AGAP1: variants seen among roughly 807,000 people sequenced by gnomAD.
The protein encoded by AGAP1 is ArfGAP with GTPase domain, ankyrin repeat and PH domain 1.
Under a neutral mutation model 105.3 loss-of-function variants are expected in AGAP1, and 29 were observed. That is an observed-to-expected ratio of 0.28 (90% CI 0.21 to 0.38). The LOEUF (loss-of-function observed/expected upper bound fraction) is 0.38, where lower values mean the gene tolerates loss of function less well. Ranked by LOEUF, AGAP1 falls within the 10% of genes least tolerant of loss-of-function variation. The pLI is 1.00. For missense variants in AGAP1, 998 were observed against 1,165.1 expected (o/e 0.86, Z 2.09); for synonymous variants, 509 against 485.9 (o/e 1.05, Z -0.63).
rs10560456 is a variant in AGAP1 at position 236,054,480 on chromosome 2, TAAA to T, written c.2114+5216_2114+5218del. Among the ~76,000 whole-genome samples the T allele has an allele frequency of 8.3e-4, 94 of 112,794 alleles. 1 individual carries two copies. The Middle Eastern group carries it at 0.014, about 17-fold the overall frequency. The allele number at this position is 112,794 out of a possible 152,430, so 74.0% of individuals were successfully genotyped here. A position where few individuals can be genotyped will look rare whatever the true frequency, so the allele number is the denominator to read the frequency against. On this transcript the variant is annotated intron_variant, in intron 16 of 17. Transcript: ENST00000304032. The stretch of plus-strand genomic sequence containing the variant: ...TGACACCTTTTCCTATTTTCTTTCT[TAAA>T]AAAAAAAAAAAAAAAAGGGAGGGGG...
intron 9 of AGAP1, among the ~76,000 whole-genome samples, chr2:235,861,929 G>C (rs896548011): frequency 1.3e-5 from 2 of 152,218 alleles, no homozygotes; most frequent in Non-Finnish European, 2.9e-5. Flanking sequence ...AGTCCCATTT[G>C]GGAGGAAGAG....
chr2:235,566,395 A>G lies in AGAP1; in HGVS notation c.163+71546A>G, dbSNP rs1444828731. Among the ~76,000 whole-genome samples, 2 of 152,220 alleles carry G rather than the reference A, an allele frequency of 1.3e-5. No individual in the cohort carries two copies. Among genetic ancestry groups the G allele is most frequent in the Non-Finnish European group, 2.9e-5 (2 of 68,038 alleles). On this transcript the variant is annotated intron_variant, in intron 1 of 17. Transcript: ENST00000304032. The surrounding 1 kb of genome is among the most constrained non-coding windows in gnomAD (Gnocchi z 5.2). ...TGTATTATTTTTCAATGCATTGCAA[A>G]GTCAACGGCAGACTGAAGGACTGCC...
chr2:235,759,911 A>T (rs1426549877), intron 6 of AGAP1, among the ~76,000 whole-genome samples: 1 of 152,232 alleles, frequency 6.6e-6, no homozygotes, highest in African/African-American at 2.4e-5. Context: ...TCAGAGGTTT[A>T]AAAAAATCCA....
At position 235,753,638 on chromosome 2, in the gene AGAP1, G is replaced by A. The variant is rs961987232; in HGVS notation, c.673+3150G>A. ...GGAGAATCGCTTGAACCTGGGAGGC[G>A]GAGGTTGCAGTCAGCTGAGATTGCA... On this transcript the variant is annotated intron_variant, in intron 6 of 17. Transcript: ENST00000304032. The surrounding 1 kb of genome is among the most constrained non-coding windows in gnomAD (Gnocchi z 4.5). 2.2e-4 allele frequency among the ~76,000 whole-genome samples: 34 copies of A among 151,920 alleles called. No individual in the cohort carries two copies. Among genetic ancestry groups the A allele is most frequent in the African/African-American group, 8.2e-4 (34 of 41,356 alleles).
chr2:236,098,271 G>A (rs996394959), intron 16 of AGAP1, among the ~76,000 whole-genome samples: 3 of 152,048 alleles, frequency 2.0e-5, no homozygotes, highest in African/African-American at 7.2e-5. Flanking sequence ...GATTCTGAAC[G>A]TTTTATTCAT....
rs115686438 is a variant in AGAP1, at chr2:235,638,756, C to T, written c.164-70423C>T. 5.5e-3 allele frequency among the ~76,000 whole-genome samples: 835 copies of T among 152,226 alleles called. 11 individuals carry two copies. The highest frequency in any genetic ancestry group is 0.019 in the African/African-American group (801 of 41,536). ...TTGCCAGTGGAGAACAGGCTGAGGC[C>T]GGAGGAGGAGGGAGCAGCCAGGAAG... is the stretch of plus-strand genomic sequence containing the variant. On this transcript the variant is annotated intron_variant, in intron 1 of 17. Coordinates refer to ENST00000304032, the MANE Select transcript of AGAP1 (RefSeq NM_001037131.3).
chr2:236,061,050 A>G lies in AGAP1; in HGVS notation c.2114+11769A>G, dbSNP rs180885188. On this transcript the variant is annotated intron_variant, in intron 16 of 17. Coordinates refer to ENST00000304032, the MANE Select transcript of AGAP1 (RefSeq NM_001037131.3). This position sits in a 1 kb window ranked among gnomAD's most constrained non-coding sequence, Gnocchi z 4.1. ...TCCACTCTAGCCTGGATAACAGAACAAGACCTCGTCTGAAAAATAAAATAA... is the reference window on the plus strand; with the variant it reads ...TCCACTCTAGCCTGGATAACAGAACGAGACCTCGTCTGAAAAATAAAATAA... 6.6e-6 allele frequency among the ~76,000 whole-genome samples: 1 copy of G among 152,304 alleles called. No individual in the cohort carries two copies. Among genetic ancestry groups the G allele is most frequent in the Non-Finnish European group, 1.5e-5 (1 of 68,014 alleles).
intron 1 of AGAP1, among the ~76,000 whole-genome samples, chr2:235,671,587 C>T (rs1166460939): frequency 1.3e-5 from 2 of 152,204 alleles, no homozygotes; most frequent in Non-Finnish European, 2.9e-5. Flanking sequence ...ATTGAGCTGG[C>T]TGTAAGGACA....
At chr2:235,859,324 T>C (rs1313069393) in intron 9 of AGAP1, among the ~76,000 whole-genome samples, 2 of 148,772 alleles carry the variant, frequency 1.3e-5, no homozygotes, top group African/African-American at 2.5e-5. Context: ...ACTGTTGTTG[T>C]GGGGAAATGG....
At position 235,707,639 on chromosome 2, in the gene AGAP1, A is replaced by C. The variant is rs11677569; in HGVS notation, c.164-1540A>C. Among the ~76,000 whole-genome samples the C allele has an allele frequency of 7.0e-4, 87 of 123,414 alleles. 2 individuals carry two copies. Among genetic ancestry groups the C allele is most frequent in the African/African-American group, 2.7e-3 (81 of 30,214 alleles). 81.0% of individuals were successfully genotyped at this position (123,414 alleles called of 152,430 possible). On this transcript the variant is annotated intron_variant, in intron 1 of 17. Coordinates refer to ENST00000304032, the MANE Select transcript of AGAP1 (RefSeq NM_001037131.3). ...GACTTGGTGGGACGTGCTCCCCAGC[A>C]TGTGACATGATGGGTTGTGCTCCCC...
At chr2:235,808,662 C>G (rs865980212) in intron 9 of AGAP1, among the ~76,000 whole-genome samples, 111 of 152,298 alleles carry the variant, frequency 7.3e-4, no homozygotes, top group African/African-American at 2.5e-3. Context: ...ACGCCTTTGC[C>G]AGGCAGAGAA....
chr2:236,071,195 T>C (rs535417500), intron 16 of AGAP1, among the ~76,000 whole-genome samples: 1 of 152,338 alleles, frequency 6.6e-6, no homozygotes, highest in Non-Finnish European at 1.5e-5. Context: ...AATAATCCTT[T>C]TTAGAAAATC....
At chr2:236,102,207 G>A (rs1433433888) in intron 16 of AGAP1, among the ~76,000 whole-genome samples, 1 of 152,110 alleles carries the variant, frequency 6.6e-6, no homozygotes. Flanking sequence ...CACAAGGTCA[G>A]GAGATCGAGA....
In AGAP1 at chr2:235,639,681, C is replaced by G; in HGVS notation, c.164-69498C>G. 6.6e-6 allele frequency among the ~76,000 whole-genome samples: 1 copy of G among 152,160 alleles called. No homozygotes were observed. Among genetic ancestry groups the G allele is most frequent in the East Asian group, 1.9e-4 (1 of 5,182 alleles). ...TTTGGGGAAGAATCGCAGGGACTCT[C>G]CTTCACTCTTAGATAGTGGCAGCGC... On this transcript the variant is annotated intron_variant, in intron 1 of 17. Coordinates refer to ENST00000304032, the MANE Select transcript of AGAP1 (RefSeq NM_001037131.3). This position sits in a 1 kb window ranked among gnomAD's most constrained non-coding sequence, Gnocchi z 5.3.
At chr2:235,949,534 A>G (rs1056545880) in intron 12 of AGAP1, among the ~76,000 whole-genome samples, 1 of 152,112 alleles carries the variant, frequency 6.6e-6, no homozygotes, top group African/African-American at 2.4e-5. Flanking sequence ...TCACAACTGA[A>G]CAGATCTGCT....
At chr2:235,726,321 C>T (rs561744627) in intron 3 of AGAP1, among the ~76,000 whole-genome samples, 1 of 152,312 alleles carries the variant, frequency 6.6e-6, no homozygotes, top group Non-Finnish European at 1.5e-5. Flanking sequence ...CAGCACAGCA[C>T]ATGCTGTTGA....
intron 16 of AGAP1, among the ~76,000 whole-genome samples, chr2:236,059,178 C>T (rs999765677): frequency 6.6e-6 from 1 of 151,540 alleles, no homozygotes; most frequent in Non-Finnish European, 1.5e-5. Context: ...AAAAAAAATT[C>T]TATTGTATTT....
chr2:235,675,202 T>C (rs1948666577), intron 1 of AGAP1, among the ~76,000 whole-genome samples: 1 of 149,366 alleles, frequency 6.7e-6, no homozygotes, highest in Non-Finnish European at 1.5e-5. Flanking sequence ...TTTTTTTTTT[T>C]TTTTTGAGAC....
At chr2:235,671,038 C>T (rs1426553015) in intron 1 of AGAP1, 6 of 1,290,660 alleles carry the variant, frequency 4.6e-6, no homozygotes, top group Non-Finnish European at 5.9e-6. Flanking sequence ...CCGAGAGCAT[C>T]GACGGCTCCC....
Sources: gnomAD v4.1 joint callset for allele counts (sites outside exome capture counted in the v4.1 genomes callset) on GRCh38, gnomAD v4.1.1 for gene constraint, Gnocchi (gnomAD v3.1) non-coding constraint, MANE v1.5 for transcripts, NCBI Gene and HGNC (gene_info 2026-07-23, HGNC 2026-07-21) for gene names.